The following KCNG2 variants were observed in gnomAD, a reference collection of about 807,000 sequenced individuals.
KCNG2 encodes voltage-gated potassium channel regulatory subunit KCNG2.
Under a neutral mutation model 12.3 loss-of-function variants are expected in KCNG2, and 7 were observed. The observed-to-expected ratio is 0.57, with a 90% CI of 0.32 to 1.07. KCNG2 has a LOEUF of 1.07. KCNG2 is among the 50% of genes least tolerant of loss of function. The pLI is 0.04. For missense variants in KCNG2, 703 were observed against 726.0 expected, an observed-to-expected ratio of 0.97 and a Z score of 0.36; for synonymous variants, 414 against 351.4, an observed-to-expected ratio of 1.18 and a Z score of -1.99.
Position 79,884,244 on chromosome 18 carries a change from G to A in KCNG2, c.625-14796G>A, listed in dbSNP as rs1980432365. Among the ~76,000 whole-genome samples, 1 of 150,976 alleles carries A rather than the reference G, an allele frequency of 6.6e-6. No homozygotes were observed. Among genetic ancestry groups the A allele is most frequent in the Admixed American group, 6.6e-5 (1 of 15,176 alleles). ...CCCATGCCCCATGTCCCTGTTCTCA[G>A]CCCTCCTCCCGCCCCTCCCTGTGGG... is the stretch of plus-strand genomic sequence containing the variant. On this transcript the variant is annotated intron_variant, in intron 3 of 3. Transcript: ENST00000316249. This position sits in a 1 kb window ranked among gnomAD's most constrained non-coding sequence, Gnocchi z 5.5.
rs2087578637 is a variant in KCNG2, at chr18:79,822,464, G to T, written c.-115+24450G>T. The stretch of plus-strand genomic sequence containing the variant: ...TTAAAGTTATTATTTTTTTGAGACA[G>T]GGTCTCACTCTGTCCCCCAGGCTGG... On this transcript the variant is annotated intron_variant, in intron 1 of 3. Transcript: ENST00000316249. The surrounding 1 kb of genome is among the most constrained non-coding windows in gnomAD (Gnocchi z 4.4). Among the ~76,000 whole-genome samples the T allele has an allele frequency of 6.6e-6, 1 of 152,082 alleles. No homozygotes were observed. Among genetic ancestry groups the T allele is most frequent in the Non-Finnish European group, 1.5e-5 (1 of 68,018 alleles).
chr18:79,899,283 C>A lies in KCNG2; in HGVS notation c.868C>A (p.Leu290Met), dbSNP rs1340892734. 2 of 1,571,210 alleles carry A rather than the reference C, an allele frequency of 1.3e-6. No homozygotes were observed. The highest frequency in any genetic ancestry group is 2.3e-5 in the South Asian group (2 of 86,840). ...GCGCGCGGGGCTGGTGCTGCGGCTG[C>A]TGCGTGCGCTGCGCGTGCTCTACGT... ...LERAGLVLRL[L>M]RALRVLYVMR... is the part of the protein sequence containing the mutation. The change falls in exon 4 of 4, where the codon CTG becomes ATG. Residue 290 changes from leucine to methionine, a missense_variant. By Grantham distance (15) the Leu-to-Met change is conservative. Coordinates refer to ENST00000316249, the MANE Select transcript of KCNG2 (RefSeq NM_012283.2).
intron 3 of KCNG2, among the ~76,000 whole-genome samples, chr18:79,879,669 A>T (rs1253951022): frequency 6.6e-6 from 1 of 152,210 alleles, no homozygotes; most frequent in African/African-American, 2.4e-5. Context: ...CTGGCCTACC[A>T]GGGTTCCAGA....
At chr18:79,798,535 G>A (rs974788523) in intron 1 of KCNG2, among the ~76,000 whole-genome samples, 1 of 152,194 alleles carries the variant, frequency 6.6e-6, no homozygotes, top group Non-Finnish European at 1.5e-5. Context: ...CGCCTTTCCC[G>A]GTCCCCCTTC....
At chr18:79,838,927 A>G (rs1340696815) in intron 1 of KCNG2, among the ~76,000 whole-genome samples, 1 of 152,206 alleles carries the variant, frequency 6.6e-6, no homozygotes. Context: ...TGAAGAGCAG[A>G]AGTCAATGGC....
rs750616499 is a variant in KCNG2, at chr18:79,899,035, C to G, written c.625-5C>G. ...CCCCCAACCCCGTGTCCCCTCTCCC[C>G]GCAGGGCGAGTGCTCCCCCAAGTGC... On this transcript the variant is annotated splice_region_variant and splice_polypyrimidine_tract_variant and intron_variant, in intron 3 of 3. Coordinates refer to ENST00000316249, the MANE Select transcript of KCNG2 (RefSeq NM_012283.2). The G allele has an allele frequency of 7.1e-6, 11 of 1,543,952 alleles. No individual in the cohort carries two copies. In the African/African-American group the frequency reaches 1.4e-4, roughly 19 times the overall value.
chr18:79,869,187 GGGTGCT>G (rs1979729861), intron 3 of KCNG2, among the ~76,000 whole-genome samples: 1 of 152,182 alleles, frequency 6.6e-6, no homozygotes, highest in Non-Finnish European at 1.5e-5. Context: ...GGGAAGCCCA[GGGTGCT>G]GGTTGCTTTC....
At chr18:79,834,238 A>G (rs484191) in intron 1 of KCNG2, among the ~76,000 whole-genome samples, 137,786 of 152,282 alleles carry the variant, frequency 0.9, 64,001 homozygotes, top group East Asian at 1. Context: ...CGGCGGCACC[A>G]GCACTGAGCA....
intron 1 of KCNG2, among the ~76,000 whole-genome samples, chr18:79,817,501 TCA>T (rs71338065): frequency 0.18 from 27,469 of 152,264 alleles, 2,522 homozygotes; most frequent in Middle Eastern, 0.2. Flanking sequence ...CACACAGTTC[TCA>T]CACACACAGT....
intron 1 of KCNG2, among the ~76,000 whole-genome samples, chr18:79,828,330 CTGCCTGTGTCAGTGTG>C (rs1978287727): frequency 6.6e-6 from 1 of 152,202 alleles, no homozygotes; most frequent in Non-Finnish European, 1.5e-5. Context: ...CATTGCATGT[CTGCCTGTGTCAGTGTG>C]TGCATGAGTC....
At chr18:79,883,287 G>A (rs1338750326) in intron 3 of KCNG2, among the ~76,000 whole-genome samples, 5 of 152,318 alleles carry the variant, frequency 3.3e-5, no homozygotes, top group Admixed American at 1.3e-4. Flanking sequence ...ACGGCGGGGG[G>A]AAGCTGGGGG....
chr18:79,870,299 T>C (rs1979780876), intron 3 of KCNG2, among the ~76,000 whole-genome samples: 1 of 152,264 alleles, frequency 6.6e-6, no homozygotes, highest in Admixed American at 6.5e-5. Flanking sequence ...TTCTGTCGTC[T>C]CTGACAGTGA....
intron 1 of KCNG2, among the ~76,000 whole-genome samples, chr18:79,830,060 A>G (rs1978291391): frequency 6.6e-6 from 1 of 152,238 alleles, no homozygotes; most frequent in Non-Finnish European, 1.5e-5. Flanking sequence ...GAATAAATAG[A>G]AAGTGTTCCC....
intron 1 of KCNG2, among the ~76,000 whole-genome samples, chr18:79,818,050 A>G (rs1265305985): frequency 1.3e-5 from 2 of 152,198 alleles, no homozygotes; most frequent in African/African-American, 2.4e-5. Flanking sequence ...CCCTCGCCCC[A>G]GGACAGACGG....
At chr18:79,864,559 A>G (rs1454139544) in intron 3 of KCNG2, among the ~76,000 whole-genome samples, 1 of 152,230 alleles carries the variant, frequency 6.6e-6, no homozygotes, top group African/African-American at 2.4e-5. Context: ...CCGACGCAGC[A>G]TCCGGTCCAC....
intron 1 of KCNG2, among the ~76,000 whole-genome samples, chr18:79,836,093 G>T (rs180972096): frequency 6.6e-6 from 1 of 152,154 alleles, no homozygotes; most frequent in Non-Finnish European, 1.5e-5. Flanking sequence ...TGGCAGAGTG[G>T]GTTTAAAAGC....
intron 2 of KCNG2, among the ~76,000 whole-genome samples, chr18:79,862,960 G>T (rs935702075): frequency 6.6e-6 from 1 of 152,226 alleles, no homozygotes; most frequent in Admixed American, 6.5e-5. Flanking sequence ...GAGCGACAAA[G>T]CTTATTATTG....
intron 1 of KCNG2, among the ~76,000 whole-genome samples, chr18:79,852,898 G>C (rs1013594637): frequency 1.3e-5 from 2 of 152,272 alleles, no homozygotes; most frequent in African/African-American, 4.8e-5. Context: ...TGGGGATGCA[G>C]CCTCCTACCT....
chr18:79,833,126 C>G (rs992867057), intron 1 of KCNG2, among the ~76,000 whole-genome samples: 2 of 152,138 alleles, frequency 1.3e-5, no homozygotes, highest in African/African-American at 4.8e-5. Context: ...CTAAATCTCT[C>G]TTGCTACAGG....
Sources: gnomAD v4.1 joint callset for allele counts (sites outside exome capture counted in the v4.1 genomes callset) on GRCh38, gnomAD v4.1.1 for gene constraint, Gnocchi (gnomAD v3.1) non-coding constraint, MANE v1.5 for transcripts, NCBI Gene and HGNC (gene_info 2026-07-23, HGNC 2026-07-21) for gene names.